Variants in USH2A observed in about 807,000 individuals in gnomAD.
USH2A encodes Usher syndrome 2A (autosomal recessive, mild).
A neutral mutation model predicts 538.9 loss-of-function variants in USH2A; 443 were observed. The ratio of observed to expected loss-of-function variants is 0.82; its 90% CI spans 0.76 to 0.89. The LOEUF is 0.89. Among genes scored for constraint, USH2A ranks in the 40% least tolerant of loss-of-function variants. USH2A has a pLI of 0.00. For missense variants in USH2A, 6,633 were observed against 6,324.8 expected (o/e 1.05, Z -1.65); for synonymous variants, 2,413 against 2,273.5 (o/e 1.06, Z -1.75).
intron 37 of USH2A, among the ~76,000 whole-genome samples, chr1:215,954,769 A>G (rs1023068353): frequency 6.6e-6 from 1 of 152,172 alleles, no homozygotes; most frequent in Non-Finnish European, 1.5e-5. Flanking sequence ...TATTGCAACT[A>G]CACTTTTACT....
intron 12 of USH2A, 60 bp from the exon 13 acceptor site, chr1:216,247,286 G>C: frequency 6.3e-7 from 1 of 1,595,982 alleles, no homozygotes; most frequent in South Asian, 1.1e-5. Flanking sequence ...CAAGATAGAC[G>C]AGACACAAAC....
At chr1:215,763,493 T>C (rs1468150122) in intron 56 of USH2A, among the ~76,000 whole-genome samples, 1 of 151,024 alleles carries the variant, frequency 6.6e-6, no homozygotes, top group Non-Finnish European at 1.5e-5. Flanking sequence ...CATAAAGTCG[T>C]AGAAATGTGG....
rs866404314 is a variant in USH2A at position 215,916,943 on chromosome 1, C to A, written c.7301-16038G>T. ...TTCAGTGAATTTGTTAACCAAGAAA[C>A]ATCAGACAGACTGAAGTCATCCTCT... is the stretch of plus-strand genomic sequence containing the variant. On this transcript the variant is annotated intron_variant, in intron 38 of 71. Transcript: ENST00000307340. 1.8e-4 allele frequency among the ~76,000 whole-genome samples: 28 copies of A among 152,192 alleles called. No individual in the cohort carries two copies. The Middle Eastern group carries it at 0.02, about 111-fold the overall frequency.
intron 49 of USH2A, among the ~76,000 whole-genome samples, chr1:215,810,292 T>G (rs1227917127): frequency 6.6e-6 from 1 of 152,164 alleles, no homozygotes; most frequent in Non-Finnish European, 1.5e-5. Flanking sequence ...TGACAACTTC[T>G]GAGCTTCCAT....
chr1:215,674,177 T>C lies in USH2A; in HGVS notation c.13734A>G (p.Lys4578=). 6.2e-7 allele frequency: 1 copy of C among 1,614,112 alleles called. No homozygotes were observed. The highest frequency in any genetic ancestry group is 8.5e-7 in the Non-Finnish European group (1 of 1,180,010). The change falls in exon 63 of 72, where the codon AAA becomes AAG. Residue 4578 remains lysine (K), a synonymous_variant. Coordinates refer to ENST00000307340, the MANE Select transcript of USH2A (RefSeq NM_206933.4). ...TATGAGTTGTGTTTATGTGTATGAT[T>C]TTAGTTTCTCTTTCAAATAGTTCAC... The part of the protein sequence containing the change: ...FIRELFERET[K]IIHINTTHNS...
intron 34 of USH2A, 63 bp from the exon 35 acceptor site, chr1:215,993,230 G>T: frequency 1.2e-6 from 2 of 1,612,228 alleles, no homozygotes; most frequent in South Asian, 1.1e-5. Context: ...TGAACATTGA[G>T]GAAAGAGAAT....
At chr1:216,411,661 C>T (rs1454542747) in intron 3 of USH2A, among the ~76,000 whole-genome samples, 1 of 152,112 alleles carries the variant, frequency 6.6e-6, no homozygotes, top group South Asian at 2.1e-4. Context: ...GGGTTCCCGG[C>T]CTTGCTGTGG....
intron 61 of USH2A, among the ~76,000 whole-genome samples, chr1:215,727,157 A>ATG (rs1201066374): frequency 1.3e-5 from 2 of 151,848 alleles, no homozygotes; most frequent in African/African-American, 2.4e-5. Context: ...AACTTTGTGT[A>ATG]TGTGTGTGTG....
At chr1:215,774,447 T>C (rs914455945) in intron 55 of USH2A, among the ~76,000 whole-genome samples, 2 of 151,634 alleles carry the variant, frequency 1.3e-5, no homozygotes, top group Admixed American at 6.6e-5. Flanking sequence ...AGTCTTAATG[T>C]TGATGTATAT....
chr1:215,668,353 A>G (rs1450385677), intron 64 of USH2A, among the ~76,000 whole-genome samples: 1 of 152,214 alleles, frequency 6.6e-6, no homozygotes, highest in African/African-American at 2.4e-5. Flanking sequence ...GCTAAATGAA[A>G]CTAATATTTT....
chr1:215,894,317 A>G (rs1189429736), intron 40 of USH2A, among the ~76,000 whole-genome samples: 3 of 152,194 alleles, frequency 2.0e-5, no homozygotes, highest in Non-Finnish European at 4.4e-5. Context: ...GTGAAACTTT[A>G]AATTCTAAAA....
intron 21 of USH2A, among the ~76,000 whole-genome samples, chr1:216,171,095 C>T (rs2034269110): frequency 6.6e-6 from 1 of 151,908 alleles, no homozygotes; most frequent in African/African-American, 2.4e-5. Flanking sequence ...CACTAAATTT[C>T]TTAAATTATT....
intron 54 of USH2A, 23 bp from the exon 55 acceptor site, chr1:215,780,064 G>A (rs1400584875): frequency 6.2e-7 from 1 of 1,612,780 alleles, no homozygotes; most frequent in Non-Finnish European, 8.5e-7. Context: ...GAATTAAGCA[G>A]CAATTTATTG....
chr1:216,006,292 GTCACA>G (rs1361959557), intron 32 of USH2A, among the ~76,000 whole-genome samples: 4 of 152,170 alleles, frequency 2.6e-5, no homozygotes, highest in Non-Finnish European at 5.9e-5. Context: ...TCTTCCACTT[GTCACA>G]TCAATGCAAT....
chr1:216,183,840 C>T (rs1307878576), intron 20 of USH2A, among the ~76,000 whole-genome samples: 1 of 151,940 alleles, frequency 6.6e-6, no homozygotes, highest in Non-Finnish European at 1.5e-5. Context: ...CGGTTCTTTC[C>T]TAAGAACTGA....
At chr1:215,639,808 A>G (rs1656616924) in intron 68 of USH2A, among the ~76,000 whole-genome samples, 1 of 152,196 alleles carries the variant, frequency 6.6e-6, no homozygotes, top group Non-Finnish European at 1.5e-5. Context: ...AACAATGAAC[A>G]TGTGTAGCTG....
chr1:215,972,722 T>G (rs2764947), intron 35 of USH2A, among the ~76,000 whole-genome samples: 37,746 of 152,054 alleles, frequency 0.25, 5,086 homozygotes, highest in Non-Finnish European at 0.31. Context: ...TAAGTCCATT[T>G]CCCTTATTTC....
chr1:216,161,884 T>C (rs2034066552), intron 21 of USH2A, among the ~76,000 whole-genome samples: 1 of 152,080 alleles, frequency 6.6e-6, no homozygotes, highest in Non-Finnish European at 1.5e-5. Context: ...TCATTTATTG[T>C]TGTTGTTGAA....
chr1:216,242,189 T>TAAA (rs11435772), intron 13 of USH2A, among the ~76,000 whole-genome samples: 11 of 146,488 alleles, frequency 7.5e-5, no homozygotes, highest in Non-Finnish European at 1.3e-4. Flanking sequence ...ATCTCTGCTT[T>TAAA]AAAAAAAAAA....
Sources: gnomAD v4.1 joint callset for allele counts (sites outside exome capture counted in the v4.1 genomes callset) on GRCh38, gnomAD v4.1.1 for gene constraint, MANE v1.5 for transcripts, NCBI Gene and HGNC (gene_info 2026-07-23, HGNC 2026-07-21) for gene names.